Variants in GAK observed in about 807,000 individuals in gnomAD.
The protein encoded by GAK is cyclin G associated kinase.
Under a neutral mutation model 143.9 loss-of-function variants are expected in GAK, and 79 were observed. The observed-to-expected ratio is 0.55, with a 90% confidence interval of 0.46 to 0.66. The LOEUF is 0.66. Among genes scored for constraint, GAK ranks in the 30% least tolerant of loss-of-function variants. The pLI is 0.00. For synonymous variants in GAK, 881 were observed against 765.5 expected (o/e 1.15, Z -2.49); for missense variants, 1,693 against 1,779.7 (o/e 0.95, Z 0.88).
chr4:894,359 T>A, intron 7 of GAK: 1 of 155,066 alleles, frequency 6.4e-6, no homozygotes, highest in Non-Finnish European at 1.3e-5. Flanking sequence ...AGGGGTGACG[T>A]CGGAGCCGTG....
At chr4:859,007 T>TC (rs1029017056) in intron 24 of GAK, among the ~76,000 whole-genome samples, 1 of 151,858 alleles carries the variant, frequency 6.6e-6, no homozygotes, top group Non-Finnish European at 1.5e-5. Flanking sequence ...CAGATGATCA[T>TC]CCCCCCGCCG....
intron 15 of GAK, among the ~76,000 whole-genome samples, chr4:878,891 T>C (rs887459935): frequency 9.9e-5 from 15 of 152,146 alleles, no homozygotes; most frequent in Admixed American, 9.8e-4. Context: ...ACCACTTCTA[T>C]GGTGACGGTG....
chr4:925,305 C>T (rs1216778630), intron 1 of GAK, among the ~76,000 whole-genome samples: 2 of 152,160 alleles, frequency 1.3e-5, no homozygotes, highest in Non-Finnish European at 2.9e-5. Flanking sequence ...CAGAGCTGGG[C>T]AACCTTCCCC....
chr4:930,265 C>T (rs904122578), intron 1 of GAK, among the ~76,000 whole-genome samples: 1 of 152,134 alleles, frequency 6.6e-6, no homozygotes, highest in African/African-American at 2.4e-5. Flanking sequence ...TGCAGGCCAC[C>T]TATTAAGTTT....
intron 24 of GAK, chr4:859,240 A>G: frequency 1.7e-6 from 2 of 1,196,406 alleles, no homozygotes; most frequent in Non-Finnish European, 2.1e-6. Flanking sequence ...TGTGGCCGAC[A>G]GCTAGCACGC....
intron 24 of GAK, among the ~76,000 whole-genome samples, chr4:858,079 C>G (rs1257691342): frequency 6.6e-6 from 1 of 152,218 alleles, no homozygotes; most frequent in Admixed American, 6.5e-5. Flanking sequence ...AGACGGCATG[C>G]TGCAGAATCC....
intron 24 of GAK, chr4:852,379 G>A: frequency 4.1e-6 from 1 of 244,610 alleles, no homozygotes. Context: ...GCGTCCTAGA[G>A]GGCCACCACC....
intron 15 of GAK, among the ~76,000 whole-genome samples, chr4:878,750 G>A (rs568248234): frequency 1.3e-5 from 2 of 152,352 alleles, no homozygotes; most frequent in South Asian, 4.1e-4. Context: ...CACAGCTCTG[G>A]CTTTCCCGTG....
intron 18 of GAK, among the ~76,000 whole-genome samples, chr4:875,990 G>A (rs990274856): frequency 1.3e-4 from 20 of 152,196 alleles, no homozygotes; most frequent in Admixed American, 1.3e-4. Flanking sequence ...GGGTGTGAGA[G>A]CCTGCTCTGC....
intron 7 of GAK, among the ~76,000 whole-genome samples, chr4:895,150 C>G (rs866017477): frequency 1.1e-4 from 17 of 152,276 alleles, no homozygotes; most frequent in African/African-American, 3.8e-4. Flanking sequence ...CAGCAGAGAC[C>G]CACTTTTCAG....
rs375145539 is a variant in GAK, at chr4:911,740, C to T, written c.315G>A (p.Ala105=). 117 of 1,613,930 alleles carry T rather than the reference C, an allele frequency of 7.2e-5. 1 individual carries two copies. Among genetic ancestry groups the T allele is most frequent in the African/African-American group, 1.1e-4 (8 of 74,920 alleles). ...HPNIVQFCSA[A]SIGKEESDTG... The stretch of plus-strand genomic sequence containing the variant: ...TGTCTGACTCCTCTTTTCCTATAGA[C>T]GCTGCAGAACAAAACTGGACAATGT... Residue 105 remains alanine, a synonymous_variant, in exon 4 of 28, where the codon GCG becomes GCA. Transcript: ENST00000314167.
intron 1 of GAK, among the ~76,000 whole-genome samples, chr4:917,097 T>C (rs781052760): frequency 2.6e-5 from 4 of 152,136 alleles, no homozygotes; most frequent in Non-Finnish European, 5.9e-5. Context: ...TACACATACA[T>C]ACAGTCAATG....
intron 12 of GAK, 61 bp from the exon 13 acceptor site, chr4:883,524 C>T (rs1715605394): frequency 5.7e-6 from 9 of 1,585,648 alleles, no homozygotes; most frequent in Non-Finnish European, 7.7e-6. Context: ...CAGGCTGCTG[C>T]TGCGGCCTCG....
At chr4:888,238 G>T (rs1273955793) in intron 11 of GAK, 2 of 152,360 alleles carry the variant, frequency 1.3e-5, no homozygotes, top group African/African-American at 4.8e-5. Context: ...CGCAGGGCCA[G>T]ATGAGCAGCC....
At chr4:859,308 G>A in intron 24 of GAK, 1 of 1,330,620 alleles carries the variant, frequency 7.5e-7, no homozygotes, top group South Asian at 1.3e-5. Flanking sequence ...TCCATGCAGA[G>A]ACCCCGCCTC....
chr4:849,841 C>CT, intron 27 of GAK, 51 bp downstream of exon 27: 2 of 1,177,036 alleles, frequency 1.7e-6, no homozygotes, highest in Middle Eastern at 2.1e-4. Flanking sequence ...AGGACCCCCC[C>CT]CCCGCCCCGC....
At chr4:888,616 T>C (rs2279183) in intron 11 of GAK, 113,494 of 544,782 alleles carry the variant, frequency 0.21, 12,983 homozygotes, top group East Asian at 0.39. Flanking sequence ...AGGCATCTCC[T>C]CAGCAGGGCC....
At position 882,057 on chromosome 4, in the gene GAK, C is replaced by A. The variant is rs192177604; in HGVS notation, c.1528-17G>T. The stretch of plus-strand genomic sequence containing the variant: ...TCTCCCGTCCTAGGACAGACAGACA[C>A]GTCTCGCGTGCGCCTCGCACTCATG... On this transcript the variant is annotated splice_polypyrimidine_tract_variant and intron_variant, in intron 14 of 27. Transcript: ENST00000314167. 2 of 1,588,782 alleles carry A rather than the reference C, an allele frequency of 1.3e-6. No individual in the cohort carries two copies. The highest frequency in any genetic ancestry group is 2.7e-5 in the African/African-American group (2 of 74,564).
chr4:870,950 C>A (rs1712457493), intron 18 of GAK, 46 bp from the exon 19 acceptor site: 3 of 1,496,306 alleles, frequency 2.0e-6, no homozygotes, highest in African/African-American at 2.8e-5. Context: ...CCCAAGTAGT[C>A]TGTAAGTCCT....
Sources: allele counts gnomAD v4.1 joint callset (sites outside exome capture counted in the v4.1 genomes callset), GRCh38; gene constraint gnomAD v4.1.1; transcripts MANE v1.5; gene names NCBI Gene and HGNC (gene_info 2026-07-23, HGNC 2026-07-21).